Variants in SUSD1 observed in about 807,000 individuals in gnomAD.
SUSD1 encodes sushi domain containing 1, also known as sushi domain-containing protein 1.
In SUSD1, 65 loss-of-function variants were observed where a neutral mutation model predicts 86.9. The observed-to-expected ratio is 0.75, with a 90% CI of 0.61 to 0.92. The LOEUF is 0.92. Among genes scored for constraint, SUSD1 ranks in the 40% least tolerant of loss-of-function variants. The probability of loss-of-function intolerance (pLI) is 0.00; values close to 1 mark genes in which losing one functional copy is unlikely to be tolerated. For missense variants in SUSD1, 850 were observed against 929.7 expected, an observed-to-expected ratio of 0.91 and a Z score of 1.11; for synonymous variants, 346 against 350.0, an observed-to-expected ratio of 0.99 and a Z score of 0.13.
intron 5 of SUSD1, among the ~76,000 whole-genome samples, chr9:112,129,881 C>T (rs1228632210): frequency 6.6e-6 from 1 of 152,210 alleles, no homozygotes; most frequent in Non-Finnish European, 1.5e-5. Flanking sequence ...AACAGCCCCT[C>T]AGGAAGAAAC....
chr9:112,119,034 C>A (rs1310225196), intron 6 of SUSD1, among the ~76,000 whole-genome samples: 1 of 152,164 alleles, frequency 6.6e-6, no homozygotes, highest in Non-Finnish European at 1.5e-5. Context: ...TGTGGTCTTT[C>A]TGGGCTTACA....
At chr9:112,072,911 G>A (rs1050530337) in intron 12 of SUSD1, among the ~76,000 whole-genome samples, 3 of 152,242 alleles carry the variant, frequency 2.0e-5, no homozygotes, top group African/African-American at 4.8e-5. Flanking sequence ...TGGAGCCAGG[G>A]GGGCCCCCAG....
At position 112,172,666 on chromosome 9, in the gene SUSD1, T is replaced by C. The variant is rs1034916975; in HGVS notation, c.103+2467A>G. ...AAGTCACCCAGCCCCCAAGCCTTAG[T>C]GTCATCTTTCCCCTTCTGTTCCCTT... On this transcript the variant is annotated intron_variant, in intron 1 of 16. Transcript: ENST00000374270. 2.2e-4 allele frequency among the ~76,000 whole-genome samples: 34 copies of C among 152,206 alleles called. 1 individual carries two copies. Among genetic ancestry groups the C allele is most frequent in the African/African-American group, 7.7e-4 (32 of 41,460 alleles).
chr9:112,157,547 C>A lies in SUSD1; in HGVS notation c.170G>T (p.Cys57Phe), dbSNP rs931464235. 8 of 1,614,178 alleles carry A rather than the reference C, an allele frequency of 5.0e-6. No homozygotes were observed. The Admixed American group carries it at 6.7e-5, about 13-fold the overall frequency. ...CCCTACAAATCCATAGTTGCAAATA[C>A]AGATCTTCTTCCCTTCTCTTTGCTG... ...TCQQREGKKI[C>F]ICNYGFVGNG... Residue 57 changes from cysteine (C) to phenylalanine (F), a missense_variant, in exon 2 of 17, where the codon TGT becomes TTT. Coordinates refer to ENST00000374270, the MANE Select transcript of SUSD1 (RefSeq NM_022486.5).
rs550499770 is a variant in SUSD1, at chr9:112,168,230, C to T, written c.103+6903G>A. 3.9e-5 allele frequency among the ~76,000 whole-genome samples: 6 copies of T among 152,326 alleles called. No individual in the cohort carries two copies. The South Asian group carries it at 1.2e-3, about 32-fold the overall frequency. On this transcript the variant is annotated intron_variant, in intron 1 of 16. Transcript: ENST00000374270. ...GGTACTAACACTGGTGGTTGGCTAG[C>T]CAACTCCCAATTACTCCAATGGGAA...
In SUSD1 at chr9:112,142,291, T is replaced by C. The variant is rs1005219734; in HGVS notation, c.706+29A>G. ...GAAAACAGTTTCAAGGTGGTATGAA[T>C]TGGGAACCTGTATTTTTTGAAAACT... On this transcript the variant is annotated intron_variant, in intron 5 of 16. Transcript: ENST00000374270. The C allele has an allele frequency of 6.6e-6, 10 of 1,526,626 alleles. No individual in the cohort carries two copies. In the African/African-American group the frequency reaches 1.1e-4, roughly 17 times the overall value. The allele number at this position is 1,526,626 out of a possible 1,614,324, so 94.6% of individuals were successfully genotyped here.
chr9:112,045,227 C>T (rs957435801), intron 15 of SUSD1, among the ~76,000 whole-genome samples: 1 of 152,054 alleles, frequency 6.6e-6, no homozygotes, highest in African/African-American at 2.4e-5. Flanking sequence ...GCATTTCATC[C>T]GATCTACCCA....
At chr9:112,151,868 C>T (rs186052146) in intron 2 of SUSD1, among the ~76,000 whole-genome samples, 2 of 151,166 alleles carry the variant, frequency 1.3e-5, no homozygotes, top group Admixed American at 1.3e-4. Flanking sequence ...AACCCCGTCT[C>T]TACTAAAAAT....
intron 10 of SUSD1, among the ~76,000 whole-genome samples, chr9:112,083,587 G>T (rs778446084): frequency 6.6e-6 from 1 of 152,096 alleles, no homozygotes; most frequent in Non-Finnish European, 1.5e-5. Context: ...AGCTTTTACA[G>T]ACCAACATAG....
intron 10 of SUSD1, among the ~76,000 whole-genome samples, chr9:112,082,269 A>C (rs1829799050): frequency 6.6e-6 from 1 of 152,218 alleles, no homozygotes; most frequent in Non-Finnish European, 1.5e-5. Context: ...ATCTTCAAGA[A>C]CAAGTATGGT....
intron 13 of SUSD1, among the ~76,000 whole-genome samples, chr9:112,061,436 A>G (rs1253325431): frequency 6.6e-6 from 1 of 151,510 alleles, no homozygotes; most frequent in East Asian, 1.9e-4. Context: ...TCACCACCAC[A>G]CTCCCTCGAA....
chr9:112,058,595 C>T lies in SUSD1; in HGVS notation c.1942G>A (p.Asp648Asn). 1 of 1,614,150 alleles carries T rather than the reference C, an allele frequency of 6.2e-7. No individual in the cohort carries two copies. The highest frequency in any genetic ancestry group is 8.5e-7 in the Non-Finnish European group (1 of 1,180,018). Residue 648 changes from aspartate (D) to asparagine (N), a missense_variant, in exon 14 of 17, where the codon GAT becomes AAT. Asp to Asn is a conservative substitution (Grantham distance 23). Coordinates refer to ENST00000374270, the MANE Select transcript of SUSD1 (RefSeq NM_022486.5). ...GASSFFSNAS[D>N]ADGYVAAELL... Reference sequence around the variant, plus strand: ...TCTGCAGCCACGTATCCATCAGCATCAGAGGCGTTGCTAAAGAAGGAGGAA... The same window carrying T: ...TCTGCAGCCACGTATCCATCAGCATTAGAGGCGTTGCTAAAGAAGGAGGAA...
intron 5 of SUSD1, among the ~76,000 whole-genome samples, chr9:112,128,287 T>A (rs1313566149): frequency 3.3e-5 from 5 of 152,018 alleles, no homozygotes; most frequent in Non-Finnish European, 7.4e-5. Flanking sequence ...AGAGATGGGG[T>A]TTTGCCATGT....
At chr9:112,168,110 C>A (rs765954167) in intron 1 of SUSD1, among the ~76,000 whole-genome samples, 10 of 152,180 alleles carry the variant, frequency 6.6e-5, no homozygotes, top group Non-Finnish European at 1.0e-4. Context: ...CACAGCCAAA[C>A]CATATCAATG....
intron 15 of SUSD1, among the ~76,000 whole-genome samples, chr9:112,048,425 T>C (rs1828047951): frequency 6.6e-6 from 1 of 152,194 alleles, no homozygotes; most frequent in African/African-American, 2.4e-5. Flanking sequence ...AGTAAATACA[T>C]ATGTATACAT....
At chr9:112,057,307 A>G (rs1264786685) in intron 14 of SUSD1, among the ~76,000 whole-genome samples, 1 of 152,176 alleles carries the variant, frequency 6.6e-6, no homozygotes, top group Admixed American at 6.5e-5. Flanking sequence ...ATATTTCACT[A>G]TAGCAGCCCA....
At chr9:112,069,246 A>G (rs1829141521) in intron 12 of SUSD1, among the ~76,000 whole-genome samples, 1 of 152,092 alleles carries the variant, frequency 6.6e-6, no homozygotes, top group African/African-American at 2.4e-5. Flanking sequence ...AATTTCTCCC[A>G]GAGTCTCTTA....
intron 3 of SUSD1, among the ~76,000 whole-genome samples, chr9:112,148,201 C>T (rs537153051): frequency 5.4e-4 from 82 of 152,314 alleles, no homozygotes; most frequent in African/African-American, 1.9e-3. Context: ...AACCAGGAGG[C>T]TTTTTCTGCC....
At chr9:112,059,322 T>C (rs115347696) in intron 13 of SUSD1, among the ~76,000 whole-genome samples, 3,499 of 152,260 alleles carry the variant, frequency 0.023, 168 homozygotes, top group African/African-American at 0.081. Flanking sequence ...CACTGCCCTG[T>C]GTGTGTGTCA....
Sources: gnomAD v4.1 joint callset for allele counts (sites outside exome capture counted in the v4.1 genomes callset) on GRCh38, gnomAD v4.1.1 for gene constraint, MANE v1.5 for transcripts, NCBI Gene and HGNC (gene_info 2026-07-23, HGNC 2026-07-21) for gene names.